The following PAXIP1 variants were observed in gnomAD, a reference collection of about 807,000 sequenced individuals.
PAXIP1 encodes PAX-interacting protein 1.
In PAXIP1, 19 loss-of-function variants were observed where a neutral mutation model predicts 140.6. That is an observed-to-expected ratio of 0.14 (90% confidence interval 0.09 to 0.20). PAXIP1 has a LOEUF of 0.20. PAXIP1 is among the 10% of genes least tolerant of loss of function. The pLI, the probability that PAXIP1 is intolerant of heterozygous loss-of-function variation, is 1.00. For synonymous variants in PAXIP1, 442 were observed against 444.6 expected, an observed-to-expected ratio of 0.99 and a Z score of 0.07; for missense variants, 920 against 1,208.6, an observed-to-expected ratio of 0.76 and a Z score of 3.54.
In PAXIP1 at chr7:155,002,801, C is replaced by CGGGGACGCGGACGGGGGAG. The variant is rs1452386145; in HGVS notation, c.81+29_81+47dup. 5.4e-6 allele frequency: 6 copies of CGGGGACGCGGACGGGGGAG among 1,109,024 alleles called. No homozygotes were observed. The African/African-American group carries it at 8.2e-5, about 15-fold the overall frequency. The allele number at this position is 1,109,024 out of a possible 1,614,324, so 68.7% of individuals were successfully genotyped here. Reference sequence around the variant, plus strand: ...GGACGGGGACGGGGACGGGGACGGACGGGGACGCGGACGGGGGAGGAGGCC... The same window carrying CGGGGACGCGGACGGGGGAG: ...GGACGGGGACGGGGACGGGGACGGACGGGGACGCGGACGGGGGAGGGGGACGCGGACGGGGGAGGAGGCC... On this transcript the variant is annotated intron_variant, in intron 1 of 20. Transcript: ENST00000404141.
chr7:154,968,361 C>T, intron 7 of PAXIP1, 42 bp downstream of exon 7: 2 of 1,482,314 alleles, frequency 1.3e-6, no homozygotes, highest in Admixed American at 2.2e-5. Context: ...TATGTGGGTA[C>T]AAGACTTTTA....
At chr7:154,960,661 G>A (rs1311295301) in intron 12 of PAXIP1, among the ~76,000 whole-genome samples, 1 of 152,032 alleles carries the variant, frequency 6.6e-6, no homozygotes, top group Non-Finnish European at 1.5e-5. Flanking sequence ...GGGTGACAAA[G>A]CGAGACCCTG....
chr7:154,964,808 T>C (rs1162917254), intron 8 of PAXIP1: 2 of 152,368 alleles, frequency 1.3e-5, no homozygotes, highest in East Asian at 1.9e-4. Flanking sequence ...TGGCTTAATA[T>C]GGCAGCCTAA....
chr7:154,962,371 G>C lies in PAXIP1; in HGVS notation c.2077C>G (p.Leu693Val), dbSNP rs1042739638. 6.2e-7 allele frequency: 1 copy of C among 1,614,002 alleles called. No homozygotes were observed. Among genetic ancestry groups the C allele is most frequent in the Non-Finnish European group, 8.5e-7 (1 of 1,179,886 alleles). ...KKKMVPPHRA[L>V]HFPVAFPPGG... ...GGTGGGAAGGCCACTGGGAAGTGAA[G>C]GGCTCGGTGCGGCGGTACCATTTTC... is the stretch of plus-strand genomic sequence containing the variant. The change falls in exon 10 of 21, where the codon CTT becomes GTT. Residue 693 changes from leucine to valine, a missense_variant. Transcript: ENST00000404141.
chr7:154,968,875 C>T lies in PAXIP1; in HGVS notation c.1326G>A (p.Gln442=). 1.1e-6 allele frequency: 1 copy of T among 941,156 alleles called. No homozygotes were observed. The highest frequency in any genetic ancestry group is 1.7e-6 in the Non-Finnish European group (1 of 590,450). 58.3% of individuals were successfully genotyped at this position (941,156 alleles called of 1,614,324 possible). A position where few individuals can be genotyped will look rare whatever the true frequency, so the allele number is the denominator to read the frequency against. ...GCTGTGAAAATGGATGCGGCGGCTGCTGGGGGTAAGGTTGCTGAGAGATCT... is the reference window on the plus strand; with the variant it reads ...GCTGTGAAAATGGATGCGGCGGCTGTTGGGGGTAAGGTTGCTGAGAGATCT... The part of the protein sequence containing the change: ...QQQISQQPYP[Q]QPPHPFSQQQ... The change falls in exon 7 of 21, where the codon CAG becomes CAA. Residue 442 remains glutamine, a synonymous_variant. Transcript: ENST00000404141.
chr7:154,953,785 T>G (rs1808388254), intron 16 of PAXIP1, among the ~76,000 whole-genome samples: 1 of 152,228 alleles, frequency 6.6e-6, no homozygotes, highest in African/African-American at 2.4e-5. Flanking sequence ...ATGTGCCTGT[T>G]AGTAAAAGAA....
In PAXIP1 at chr7:154,993,849, T is replaced by C. The variant is rs902986883; in HGVS notation, c.217-80A>G. On this transcript the variant is annotated intron_variant, in intron 2 of 20. Coordinates refer to ENST00000404141, the MANE Select transcript of PAXIP1 (RefSeq NM_007349.4). ...ATTTTACTAGTGTTGTTCTTAGAAA[T>C]TAAAAGTCTCTGTTACAACCTATTT... 34 of 1,040,914 alleles carry C rather than the reference T, an allele frequency of 3.3e-5. 1 individual carries two copies. In the Middle Eastern group the frequency reaches 6.0e-4, roughly 18 times the overall value. 64.5% of individuals were successfully genotyped at this position (1,040,914 alleles called of 1,614,324 possible).
At chr7:154,961,779 A>G (rs1034013138) in intron 10 of PAXIP1, 131 bp from the exon 11 acceptor site, 3 of 788,448 alleles carry the variant, frequency 3.8e-6, no homozygotes, top group South Asian at 1.9e-5. Context: ...ACATTTGGTA[A>G]TATCATTCCT....
At chr7:154,960,478 A>G (rs1488918924) in intron 12 of PAXIP1, among the ~76,000 whole-genome samples, 2 of 152,204 alleles carry the variant, frequency 1.3e-5, no homozygotes, top group Admixed American at 6.5e-5. Flanking sequence ...AGACTATCAA[A>G]AAGCTTTCAA....
intron 13 of PAXIP1, among the ~76,000 whole-genome samples, chr7:154,959,312 T>C (rs567835273): frequency 6.6e-6 from 1 of 152,320 alleles, no homozygotes; most frequent in South Asian, 2.1e-4. Flanking sequence ...ACACTACTAC[T>C]GGCCAACAGT....
At chr7:154,980,421 C>A (rs899375808) in intron 5 of PAXIP1, among the ~76,000 whole-genome samples, 1 of 151,864 alleles carries the variant, frequency 6.6e-6, no homozygotes, top group South Asian at 2.1e-4. Context: ...ATACAAATAT[C>A]TTTTATTTTT....
At chr7:154,962,208 G>C in intron 10 of PAXIP1, 113 bp downstream of exon 10, 1 of 1,116,364 alleles carries the variant, frequency 9.0e-7, no homozygotes. Context: ...AAAGTACATA[G>C]AGAAGCTCTG....
intron 1 of PAXIP1, 33 bp downstream of exon 1, chr7:155,002,816 G>T (rs1810990538): frequency 7.8e-7 from 1 of 1,278,336 alleles, no homozygotes; most frequent in Non-Finnish European, 1.0e-6. Flanking sequence ...ACGCGGACGG[G>T]GGAGGAGGCC....
At chr7:154,958,618 T>C (rs1040854525) in intron 13 of PAXIP1, among the ~76,000 whole-genome samples, 1 of 152,198 alleles carries the variant, frequency 6.6e-6, no homozygotes, top group Non-Finnish European at 1.5e-5. Flanking sequence ...AGATCGCATT[T>C]AAGTCTCCAA....
intron 16 of PAXIP1, among the ~76,000 whole-genome samples, chr7:154,953,215 G>A (rs1353453291): frequency 6.6e-6 from 1 of 152,192 alleles, no homozygotes; most frequent in African/African-American, 2.4e-5. Context: ...CACATGACTT[G>A]CTCTTCCCTT....
At chr7:154,970,023 G>A (rs942079335) in intron 6 of PAXIP1, among the ~76,000 whole-genome samples, 3 of 152,208 alleles carry the variant, frequency 2.0e-5, no homozygotes, top group Non-Finnish European at 4.4e-5. Flanking sequence ...AGGAGTAGGA[G>A]AAGGACGGTG....
Position 154,969,101 on chromosome 7 carries a change from G to A in PAXIP1, c.1100C>T (p.Thr367Met), listed in dbSNP as rs991391155. Residue 367 changes from threonine to methionine, a missense_variant, in exon 7 of 21, where the codon ACG becomes ATG. Physicochemically the swap from Thr to Met is moderately conservative, Grantham distance 81 (BLOSUM62 -1). Around this residue, in one of 5 missense-constraint regions of PAXIP1, gnomAD observed 419 missense variants for 514.7 expected, o/e 0.81. Coordinates refer to ENST00000404141, the MANE Select transcript of PAXIP1 (RefSeq NM_007349.4). ...ATTCACCTGCTGTTCTAAATTTTTC[G>A]TAGGTGCTGAAAGAGTCTGTAAGAT... is the stretch of plus-strand genomic sequence containing the variant. The part of the protein sequence containing the change: ...AHILQTLSAP[T>M]KNLEQQVNHS... 1.8e-5 allele frequency: 27 copies of A among 1,486,154 alleles called. No individual in the cohort carries two copies. In the East Asian group the frequency reaches 1.9e-4, roughly 11 times the overall value. The allele number at this position is 1,486,154 out of a possible 1,614,324, so 92.1% of individuals were successfully genotyped here.
Position 154,968,830 on chromosome 7 carries a change from T to TTGCTGC in PAXIP1, c.1365_1370dup (p.Gln456_Gln457dup), listed in dbSNP as rs541452346. The TTGCTGC allele has an allele frequency of 3.6e-5, 27 of 743,244 alleles. No individual in the cohort carries two copies. The East Asian group carries it at 5.1e-4, about 14-fold the overall frequency. 46.0% of individuals were successfully genotyped at this position (743,244 alleles called of 1,614,324 possible). On this transcript the variant is annotated inframe_insertion, in exon 7 of 21. Coordinates refer to ENST00000404141, the MANE Select transcript of PAXIP1 (RefSeq NM_007349.4). ...GCTGTGAAAACTGATGCGGATGGGC[T>TTGCTGC]TGCTGCTGCTGCTGCTGTTGCTGTG...
In PAXIP1 at chr7:154,946,580, G is replaced by A. The variant is rs369541196; in HGVS notation, c.3065C>T (p.Ser1022Leu). Residue 1022 changes from serine (S) to leucine (L), a missense_variant, in exon 19 of 21, where the codon TCG (serine) becomes TTG (leucine). Transcript: ENST00000404141. The surrounding 1 kb of genome is among the most constrained non-coding windows in gnomAD (Gnocchi z 4.9). Reference protein sequence around the residue: ...LMEHKQNSSLSEIILISCEND... With the variant: ...LMEHKQNSSLLEIILISCEND... Reference sequence around the variant, plus strand: ...TTCACAGGATATTAAAATTATTTCCGACAAACTCTAAGGAAAAGAAAATGA... The same window carrying A: ...TTCACAGGATATTAAAATTATTTCCAACAAACTCTAAGGAAAAGAAAATGA... 8.7e-6 allele frequency: 14 copies of A among 1,613,492 alleles called. No homozygotes were observed. Among genetic ancestry groups the A allele is most frequent in the African/African-American group, 2.7e-5 (2 of 74,980 alleles).
Sources: allele counts gnomAD v4.1 joint callset (sites outside exome capture counted in the v4.1 genomes callset), GRCh38; gene constraint gnomAD v4.1.1; regional missense constraint gnomAD v4.1.1; non-coding constraint Gnocchi (gnomAD v3.1); transcripts MANE v1.5; gene names NCBI Gene and HGNC (gene_info 2026-07-23, HGNC 2026-07-21).